NCAM1: variants seen among roughly 807,000 people sequenced by gnomAD.
NCAM1 encodes the protein neural cell adhesion molecule 1, also known as antigen recognized by monoclonal antibody 5.1H11.
Under a neutral mutation model 109.8 loss-of-function variants are expected in NCAM1, and 14 were observed. That is an observed-to-expected ratio of 0.13 (90% CI 0.08 to 0.20). The LOEUF (loss-of-function observed/expected upper bound fraction) is 0.20, where lower values mean the gene tolerates loss of function less well. NCAM1 is among the 10% of genes least tolerant of loss of function. The pLI, the probability that NCAM1 is intolerant of heterozygous loss-of-function variation, is 1.00. For missense variants in NCAM1, 774 were observed against 1,109.9 expected (o/e 0.70, Z 4.30); for synonymous variants, 418 against 442.9 (o/e 0.94, Z 0.70).
intron 1 of NCAM1, chr11:113,133,256 A>G (rs1253377485): frequency 1.3e-5 from 2 of 152,180 alleles, no homozygotes; most frequent in East Asian, 3.9e-4. Context: ...GTATAAAAAT[A>G]TCTCTATGTT....
At chr11:113,110,839 G>A (rs550703916) in intron 1 of NCAM1, among the ~76,000 whole-genome samples, 1 of 152,176 alleles carries the variant, frequency 6.6e-6, no homozygotes, top group South Asian at 2.1e-4. Flanking sequence ...CTTTCCTATT[G>A]GGATAGGTCC....
chr11:113,207,684 G>A (rs1331935264), intron 6 of NCAM1, 149 bp from the exon 7 acceptor site: 9 of 809,404 alleles, frequency 1.1e-5, no homozygotes, highest in Non-Finnish European at 1.8e-5. Context: ...AGAGGTGTAT[G>A]TGGACGTTCA....
intron 1 of NCAM1, among the ~76,000 whole-genome samples, chr11:113,090,918 C>G (rs1053674075): frequency 6.6e-6 from 1 of 152,090 alleles, no homozygotes; most frequent in African/African-American, 2.4e-5. Context: ...AAGAGTCATT[C>G]TCTTGAGCTC....
chr11:113,247,777 A>C (rs1945546164), intron 15 of NCAM1, among the ~76,000 whole-genome samples: 1 of 152,238 alleles, frequency 6.6e-6, no homozygotes, highest in Non-Finnish European at 1.5e-5. Context: ...CTGAATATGC[A>C]GGTCTTAGGG....
intron 9 of NCAM1, chr11:113,231,238 C>T (rs782674037): frequency 1.6e-5 from 25 of 1,536,022 alleles, no homozygotes; most frequent in Admixed American, 3.9e-5. Context: ...ACAGAAAGGA[C>T]AGGCTGGCAG....
At chr11:113,149,951 T>A (rs1942167494) in intron 1 of NCAM1, among the ~76,000 whole-genome samples, 1 of 152,162 alleles carries the variant, frequency 6.6e-6, no homozygotes, top group South Asian at 2.1e-4. Flanking sequence ...AAGGTAAAAT[T>A]GGGCAGCATA....
At chr11:113,114,657 C>T (rs1940609116) in intron 1 of NCAM1, among the ~76,000 whole-genome samples, 1 of 152,292 alleles carries the variant, frequency 6.6e-6, no homozygotes, top group South Asian at 2.1e-4. Flanking sequence ...GGTGGAAGGC[C>T]TGAGCCACAG....
In NCAM1 at chr11:113,273,132, A is replaced by T. The variant is rs1946321144; in HGVS notation, c.2456+1256A>T. ...AAACTCTGTACCGGCTGGCCAGGCC[A>T]CCCCTTCCAAGGGGCCCAGCGCCTC... On this transcript the variant is annotated intron_variant, in intron 19 of 19. Transcript: ENST00000316851. The surrounding 1 kb of genome is among the most constrained non-coding windows in gnomAD (Gnocchi z 6.0). 1 of 447,546 alleles carries T rather than the reference A, an allele frequency of 2.2e-6. No individual in the cohort carries two copies. The highest frequency in any genetic ancestry group is 2.4e-5 in the Admixed American group (1 of 42,166). The allele number at this position is 447,546 out of a possible 1,614,324, so 27.7% of individuals were successfully genotyped here.
At chr11:112,965,545 T>C (rs1328795719) in intron 1 of NCAM1, among the ~76,000 whole-genome samples, 1 of 152,222 alleles carries the variant, frequency 6.6e-6, no homozygotes, top group Non-Finnish European at 1.5e-5. Context: ...AGCTAATCTT[T>C]AGACATGTTT....
At chr11:113,112,998 G>T (rs1213100211) in intron 1 of NCAM1, among the ~76,000 whole-genome samples, 3 of 151,998 alleles carry the variant, frequency 2.0e-5, no homozygotes, top group Non-Finnish European at 2.9e-5. Flanking sequence ...CAGGCATGGG[G>T]GTGTGCACCT....
rs541965697 is a variant in NCAM1 at position 113,216,303 on chromosome 11, C to A, written c.1059+1792C>A. On this transcript the variant is annotated intron_variant, in intron 8 of 19. Transcript: ENST00000316851. ...TAGCTGGGACTACAGGCGCCCGCCA[C>A]CTCGCCCGGCTAATTTTTTTTTGTA... 1.9e-3 allele frequency among the ~76,000 whole-genome samples: 295 copies of A among 152,080 alleles called. 3 individuals carry two copies. The highest frequency in any genetic ancestry group is 6.9e-3 in the African/African-American group (287 of 41,506).
chr11:112,995,294 C>T (rs547905353), intron 1 of NCAM1, among the ~76,000 whole-genome samples: 6 of 152,208 alleles, frequency 3.9e-5, no homozygotes, highest in South Asian at 2.1e-4. Context: ...ACAGAATTGT[C>T]GGGTTTAGTA....
At chr11:113,201,023 C>A (rs1481205339) in intron 1 of NCAM1, among the ~76,000 whole-genome samples, 1 of 152,098 alleles carries the variant, frequency 6.6e-6, no homozygotes, top group Non-Finnish European at 1.5e-5. Flanking sequence ...CCTGCCTCTG[C>A]CCAGGGCCCC....
At chr11:112,968,030 C>T (rs1220885309) in intron 1 of NCAM1, among the ~76,000 whole-genome samples, 1 of 152,200 alleles carries the variant, frequency 6.6e-6, no homozygotes, top group Non-Finnish European at 1.5e-5. Flanking sequence ...GTTGAGGAAC[C>T]CTGAAAACTT....
intron 1 of NCAM1, among the ~76,000 whole-genome samples, chr11:113,018,479 G>A (rs144402967): frequency 1.8e-4 from 28 of 152,176 alleles, no homozygotes; most frequent in African/African-American, 5.5e-4. Context: ...TCATGTGTGC[G>A]TTCCCCATAG....
chr11:113,255,187 C>G (rs1290692439), intron 15 of NCAM1, among the ~76,000 whole-genome samples: 3 of 152,326 alleles, frequency 2.0e-5, no homozygotes, highest in Non-Finnish European at 2.9e-5. Flanking sequence ...TTAGCACTCA[C>G]TCATTTGAAC....
intron 9 of NCAM1, 123 bp from the exon 10 acceptor site, chr11:113,231,522 G>C: frequency 1.9e-6 from 2 of 1,050,156 alleles, no homozygotes; most frequent in East Asian, 2.6e-5. Context: ...AGAGGAGAGA[G>C]GAAGTGAGAC....
intron 2 of NCAM1, 56 bp from the exon 3 acceptor site, chr11:113,204,230 G>A: frequency 1.4e-6 from 2 of 1,420,784 alleles, no homozygotes; most frequent in Admixed American, 2.0e-5. Flanking sequence ...CAGTCTGGAG[G>A]GGACTTATTA....
intron 1 of NCAM1, among the ~76,000 whole-genome samples, chr11:113,147,510 G>A (rs1942062011): frequency 6.6e-6 from 1 of 152,224 alleles, no homozygotes; most frequent in South Asian, 2.1e-4. Flanking sequence ...GTTTTCCGCT[G>A]ATGGTTCCTC....
Sources: allele counts gnomAD v4.1 joint callset (sites outside exome capture counted in the v4.1 genomes callset), GRCh38; gene constraint gnomAD v4.1.1; non-coding constraint Gnocchi (gnomAD v3.1); transcripts MANE v1.5; gene names NCBI Gene and HGNC (gene_info 2026-07-23, HGNC 2026-07-21).